Variants in NTN1 observed in about 807,000 individuals in gnomAD.
The protein encoded by NTN1 is netrin 1, also known as netrin-1.
NTN1 carries 11 observed loss-of-function variants against 54.2 expected under a neutral mutation model. That is an observed-to-expected ratio of 0.20 (90% CI 0.13 to 0.34). NTN1 has a LOEUF of 0.34. Among genes scored for constraint, NTN1 ranks in the 10% least tolerant of loss-of-function variants. The pLI, the probability that NTN1 is intolerant of heterozygous loss-of-function variation, is 1.00. For synonymous variants in NTN1, 371 were observed against 382.0 expected (o/e 0.97, Z 0.33); for missense variants, 740 against 893.1 (o/e 0.83, Z 2.18).
intron 2 of NTN1, among the ~76,000 whole-genome samples, chr17:9,150,957 T>A (rs1164212750): frequency 6.6e-6 from 1 of 152,174 alleles, no homozygotes; most frequent in Admixed American, 6.5e-5. Flanking sequence ...GTATCCTTAA[T>A]CCTGCCCGTG....
Position 9,023,254 on chromosome 17 carries a change from G to C in NTN1, c.881G>C (p.Cys294Ser). 6.4e-7 allele frequency: 1 copy of C among 1,564,674 alleles called. No individual in the cohort carries two copies. The highest frequency in any genetic ancestry group is 2.4e-5 in the East Asian group (1 of 42,012). Residue 294 changes from cysteine to serine, a missense_variant, in exon 2 of 7, where the codon TGC becomes TCC. Cys to Ser is a moderately radical substitution (Grantham distance 112). Coordinates refer to ENST00000173229, the MANE Select transcript of NTN1 (RefSeq NM_004822.3). ...AAGTGCAACGGCCACGCGGCCCGCT[G>C]CGTGCGCGACCGCGACGACAGCCTG... ...RCKCNGHAAR[C>S]VRDRDDSLVC... is the part of the protein sequence containing the mutation.
At chr17:9,226,955 C>G (rs866918488) in intron 6 of NTN1, among the ~76,000 whole-genome samples, 5 of 152,210 alleles carry the variant, frequency 3.3e-5, no homozygotes, top group East Asian at 3.9e-4. Flanking sequence ...GCCCCGCCCC[C>G]CGAGGCCCCG....
intron 2 of NTN1, among the ~76,000 whole-genome samples, chr17:9,081,274 G>T (rs1297740492): frequency 6.6e-6 from 1 of 152,190 alleles, no homozygotes. Flanking sequence ...ATTGATTGTT[G>T]TGGGGTGAGT....
At chr17:9,007,278 TCATCC>T in the NTN1 span, among the ~76,000 whole-genome samples, 5 of 150,930 alleles carry the variant, frequency 3.3e-5, no homozygotes, top group African/African-American at 7.3e-5. Context: ...TTCTTTTCTT[TCATCC>T]CTTCCTTCCT....
At position 9,239,561 on chromosome 17, in the gene NTN1, C is replaced by T; in HGVS notation, c.1487-79C>T. 1 of 1,438,638 alleles carries T rather than the reference C, an allele frequency of 7.0e-7. No individual in the cohort carries two copies. The allele number at this position is 1,438,638 out of a possible 1,614,324, so 89.1% of individuals were successfully genotyped here. ...CACTTCCTGGGGCTGGGTCTCCTTT[C>T]CCTTCTCCCCAGGCTCAGGCAGGGC... On this transcript the variant is annotated intron_variant, in intron 6 of 6. Coordinates refer to ENST00000173229, the MANE Select transcript of NTN1 (RefSeq NM_004822.3). This position sits in a 1 kb window ranked among gnomAD's most constrained non-coding sequence, Gnocchi z 5.2.
chr17:9,146,075 C>G (rs2092312469), intron 2 of NTN1, among the ~76,000 whole-genome samples: 1 of 152,186 alleles, frequency 6.6e-6, no homozygotes, highest in Non-Finnish European at 1.5e-5. Flanking sequence ...TGGGAGACCC[C>G]TGCGAGGCCC....
chr17:9,181,807 C>G (rs1478012943), intron 4 of NTN1, among the ~76,000 whole-genome samples: 2 of 152,152 alleles, frequency 1.3e-5, no homozygotes, highest in Non-Finnish European at 2.9e-5. Context: ...GTCCCTTCCT[C>G]TTAGGGACTC....
At chr17:9,015,438 A>G in the NTN1 span, among the ~76,000 whole-genome samples, 1 of 152,070 alleles carries the variant, frequency 6.6e-6, no homozygotes, top group Non-Finnish European at 1.5e-5. Flanking sequence ...AATACAATTA[A>G]AAAATTAAAA....
intron 2 of NTN1, among the ~76,000 whole-genome samples, chr17:9,138,110 C>T (rs949018311): frequency 2.0e-5 from 3 of 152,186 alleles, no homozygotes; most frequent in Non-Finnish European, 2.9e-5. Flanking sequence ...GAATCCCCGG[C>T]GTGTCTTTTT....
chr17:9,239,568 C>T lies in NTN1; in HGVS notation c.1487-72C>T. 6.7e-7 allele frequency: 1 copy of T among 1,489,030 alleles called. No individual in the cohort carries two copies. The highest frequency in any genetic ancestry group is 9.2e-7 in the Non-Finnish European group (1 of 1,085,190). 92.2% of individuals were successfully genotyped at this position (1,489,030 alleles called of 1,614,324 possible). A position where few individuals can be genotyped will look rare whatever the true frequency, so the allele number is the denominator to read the frequency against. On this transcript the variant is annotated intron_variant, in intron 6 of 6. Coordinates refer to ENST00000173229, the MANE Select transcript of NTN1 (RefSeq NM_004822.3). This position sits in a 1 kb window ranked among gnomAD's most constrained non-coding sequence, Gnocchi z 5.2. ...TGGGGCTGGGTCTCCTTTCCCTTCT[C>T]CCCAGGCTCAGGCAGGGCGGACCTA... is the stretch of plus-strand genomic sequence containing the variant.
chr17:9,103,699 C>T (rs1218832987), intron 2 of NTN1, among the ~76,000 whole-genome samples: 1 of 151,994 alleles, frequency 6.6e-6, no homozygotes, highest in Non-Finnish European at 1.5e-5. Context: ...TGGGATATTA[C>T]TCAGCCTTAA....
intron 2 of NTN1, 44 bp from the exon 3 acceptor site, chr17:9,162,769 C>T: frequency 6.4e-7 from 1 of 1,564,346 alleles, no homozygotes; most frequent in East Asian, 2.3e-5. Flanking sequence ...GCCTGTCCTC[C>T]CCGCGCCCCT....
intron 2 of NTN1, among the ~76,000 whole-genome samples, chr17:9,137,793 CA>C (rs547235326): frequency 7.8e-4 from 110 of 141,642 alleles, no homozygotes; most frequent in Middle Eastern, 3.7e-3. Context: ...GACTCCATCT[CA>C]AAAAAAAAAA....
At chr17:9,122,038 ATT>A (rs36009443) in intron 2 of NTN1, among the ~76,000 whole-genome samples, 282 of 138,538 alleles carry the variant, frequency 2.0e-3, no homozygotes, top group South Asian at 6.1e-3. Flanking sequence ...TCTGAGTTAC[ATT>A]TTTTTTTTTT....
chr17:9,010,587 ACT>A, the NTN1 span, among the ~76,000 whole-genome samples: 3 of 151,934 alleles, frequency 2.0e-5, no homozygotes, highest in Non-Finnish European at 4.4e-5. Context: ...TTTGAAGAAG[ACT>A]CTTAATTCTG....
rs1359693656 is a variant in NTN1, at chr17:9,212,117, A to C, written c.1412-9051A>C. Among the ~76,000 whole-genome samples, 1 of 152,236 alleles carries C rather than the reference A, an allele frequency of 6.6e-6. No homozygotes were observed. The highest frequency in any genetic ancestry group is 2.4e-5 in the African/African-American group (1 of 41,474). On this transcript the variant is annotated intron_variant, in intron 5 of 6. Coordinates refer to ENST00000173229, the MANE Select transcript of NTN1 (RefSeq NM_004822.3). The surrounding 1 kb of genome is among the most constrained non-coding windows in gnomAD (Gnocchi z 5.5). Reference sequence around the variant, plus strand: ...GGGCTTGAGGGTGATGGATTGGGTCAGCGAGACTAGTACAGGCTTAGAGAG... The same window carrying C: ...GGGCTTGAGGGTGATGGATTGGGTCCGCGAGACTAGTACAGGCTTAGAGAG...
intron 2 of NTN1, among the ~76,000 whole-genome samples, chr17:9,101,158 C>G (rs1328132081): frequency 1.3e-5 from 2 of 152,182 alleles, no homozygotes; most frequent in Non-Finnish European, 2.9e-5. Flanking sequence ...TGTAAACTTT[C>G]TGAGGGCTAG....
At chr17:9,139,255 GTGC>G (rs2092290401) in intron 2 of NTN1, among the ~76,000 whole-genome samples, 1 of 152,162 alleles carries the variant, frequency 6.6e-6, no homozygotes, top group South Asian at 2.1e-4. Flanking sequence ...AATAAATGAG[GTGC>G]TTTAGGCCTG....
intron 2 of NTN1, among the ~76,000 whole-genome samples, chr17:9,101,720 G>T (rs951781132): frequency 5.3e-5 from 8 of 152,192 alleles, no homozygotes; most frequent in African/African-American, 1.9e-4. Flanking sequence ...CATAAGGGGT[G>T]GCCCAGTGTG....
Sources: gnomAD v4.1 joint callset for allele counts (sites outside exome capture counted in the v4.1 genomes callset) on GRCh38, gnomAD v4.1.1 for gene constraint, Gnocchi (gnomAD v3.1) non-coding constraint, MANE v1.5 for transcripts, NCBI Gene and HGNC (gene_info 2026-07-23, HGNC 2026-07-21) for gene names.